Variants in MSRA observed in about 807,000 individuals in gnomAD.
MSRA encodes mitochondrial peptide methionine sulfoxide reductase.
In MSRA, 54 loss-of-function variants were observed where a neutral mutation model predicts 31.3. That is an observed-to-expected ratio of 1.73 (90% confidence interval 1.39 to 2.17). MSRA has a LOEUF of 2.17. MSRA is among the 30% of genes most tolerant of loss of function. The pLI, the probability that MSRA is intolerant of heterozygous loss-of-function variation, is 0.00. For missense variants in MSRA, 507 were observed against 300.9 expected (o/e 1.69, Z -5.07); for synonymous variants, 169 against 116.5 (o/e 1.45, Z -2.90).
intron 5 of MSRA, among the ~76,000 whole-genome samples, chr8:10,396,331 G>A (rs796667550): frequency 2.6e-5 from 4 of 152,280 alleles, no homozygotes; most frequent in African/African-American, 9.6e-5. Flanking sequence ...AGTGGGAAGA[G>A]CTATGAAGGA....
intron 2 of MSRA, among the ~76,000 whole-genome samples, chr8:10,209,903 T>A (rs1292084174): frequency 6.6e-6 from 1 of 152,236 alleles, no homozygotes; most frequent in Non-Finnish European, 1.5e-5. Context: ...TAAAGTAGAA[T>A]ATGTTTGACA....
At chr8:10,217,452 T>C (rs758782743) in intron 2 of MSRA, among the ~76,000 whole-genome samples, 1 of 152,226 alleles carries the variant, frequency 6.6e-6, no homozygotes, top group Non-Finnish European at 1.5e-5. Context: ...AAACAAGCAA[T>C]GGACCAGCTG....
chr8:10,170,264 T>C (rs1157432124), intron 1 of MSRA, among the ~76,000 whole-genome samples: 4 of 152,126 alleles, frequency 2.6e-5, no homozygotes, highest in Non-Finnish European at 4.4e-5. Flanking sequence ...AATGTGATGA[T>C]ATCAGGAAGT....
At chr8:10,222,462 T>A (rs1810601929) in intron 2 of MSRA, among the ~76,000 whole-genome samples, 1 of 152,094 alleles carries the variant, frequency 6.6e-6, no homozygotes, top group African/African-American at 2.4e-5. Flanking sequence ...GTAAAAAAAT[T>A]TACAACAAGA....
intron 3 of MSRA, among the ~76,000 whole-genome samples, chr8:10,284,313 C>G (rs1013241036): frequency 6.6e-6 from 1 of 152,074 alleles, no homozygotes; most frequent in Non-Finnish European, 1.5e-5. Context: ...CTCAGCCTCC[C>G]GAATAGCTGG....
intron 5 of MSRA, among the ~76,000 whole-genome samples, chr8:10,408,414 T>G (rs573318511): frequency 6.6e-5 from 10 of 152,188 alleles, no homozygotes; most frequent in African/African-American, 2.4e-4. Context: ...TGGTGGCACA[T>G]ACCTGTAGCC....
chr8:10,079,355 A>G (rs1027812321), intron 1 of MSRA, among the ~76,000 whole-genome samples: 1 of 152,076 alleles, frequency 6.6e-6, no homozygotes, highest in Non-Finnish European at 1.5e-5. Context: ...GGGTTTCGCC[A>G]TGTTGCCCAG....
intron 5 of MSRA, among the ~76,000 whole-genome samples, chr8:10,355,841 T>A (rs896970707): frequency 6.6e-6 from 1 of 152,128 alleles, no homozygotes; most frequent in Non-Finnish European, 1.5e-5. Flanking sequence ...GAGTGGAGAC[T>A]TGGAGATTCC....
At chr8:10,263,934 C>G (rs779485455) in intron 3 of MSRA, among the ~76,000 whole-genome samples, 14 of 152,218 alleles carry the variant, frequency 9.2e-5, no homozygotes, top group Non-Finnish European at 1.8e-4. Context: ...TTCATCCTCT[C>G]CTTTCCTCCT....
chr8:10,269,732 G>C (rs565968056), intron 3 of MSRA, among the ~76,000 whole-genome samples: 1 of 152,122 alleles, frequency 6.6e-6, no homozygotes, highest in Non-Finnish European at 1.5e-5. Context: ...CTCACTGCAA[G>C]CTCCACCTCC....
intron 1 of MSRA, among the ~76,000 whole-genome samples, chr8:10,072,980 G>A (rs535602402): frequency 3.3e-5 from 5 of 152,122 alleles, no homozygotes; most frequent in Admixed American, 6.5e-5. Flanking sequence ...ACTCACTTTA[G>A]TAGAAGTTTT....
At chr8:10,426,917 G>A (rs1022337708) in intron 5 of MSRA, among the ~76,000 whole-genome samples, 8 of 152,066 alleles carry the variant, frequency 5.3e-5, no homozygotes, top group African/African-American at 1.9e-4. Flanking sequence ...CTCTGAGCTG[G>A]CTGGTCTAAC....
At chr8:10,246,468 G>A (rs1278839155) in intron 3 of MSRA, among the ~76,000 whole-genome samples, 1 of 152,176 alleles carries the variant, frequency 6.6e-6, no homozygotes, top group Non-Finnish European at 1.5e-5. Context: ...GGGAGTATCT[G>A]GAGTTATAGT....
chr8:10,248,289 G>A (rs982438200), intron 3 of MSRA, among the ~76,000 whole-genome samples: 10 of 152,198 alleles, frequency 6.6e-5, no homozygotes, highest in African/African-American at 2.2e-4. Context: ...TGGATTGTGT[G>A]CAGATTCCTT....
chr8:10,078,906 A>C (rs1033441006), intron 1 of MSRA, among the ~76,000 whole-genome samples: 2 of 152,210 alleles, frequency 1.3e-5, no homozygotes, highest in African/African-American at 4.8e-5. Flanking sequence ...TGAATGGAAA[A>C]TAAATGGGGA....
At chr8:10,304,329 A>G (rs970338329) in intron 4 of MSRA, among the ~76,000 whole-genome samples, 1 of 152,278 alleles carries the variant, frequency 6.6e-6, no homozygotes, top group African/African-American at 2.4e-5. Flanking sequence ...CTACAGGAAG[A>G]AAATAATTAA....
chr8:10,394,505 C>T (rs1352680279), intron 5 of MSRA, among the ~76,000 whole-genome samples: 1 of 152,238 alleles, frequency 6.6e-6, no homozygotes, highest in African/African-American at 2.4e-5. Flanking sequence ...ATTTTCAGTT[C>T]TGACAGCCCT....
In MSRA at chr8:10,287,878, C is replaced by T. The variant is rs567093637; in HGVS notation, c.332-13656C>T. Reference sequence around the variant, plus strand: ...CTGTGTCACTGAACTCTGAGACTACCCTTCTCCAGCAGTAATTGCTTCATC... The same window carrying T: ...CTGTGTCACTGAACTCTGAGACTACTCTTCTCCAGCAGTAATTGCTTCATC... On this transcript the variant is annotated intron_variant, in intron 3 of 5. Transcript: ENST00000317173. 3.3e-5 allele frequency among the ~76,000 whole-genome samples: 5 copies of T among 152,196 alleles called. No individual in the cohort carries two copies. The South Asian group carries it at 8.3e-4, about 25-fold the overall frequency.
intron 1 of MSRA, among the ~76,000 whole-genome samples, chr8:10,153,808 C>T (rs1404113404): frequency 6.6e-6 from 1 of 152,212 alleles, no homozygotes; most frequent in East Asian, 1.9e-4. Context: ...AGAGCTAGAA[C>T]ATGCAGTTGG....
Sources: gnomAD v4.1 joint callset for allele counts (sites outside exome capture counted in the v4.1 genomes callset) on GRCh38, gnomAD v4.1.1 for gene constraint, MANE v1.5 for transcripts, NCBI Gene and HGNC (gene_info 2026-07-23, HGNC 2026-07-21) for gene names.